EDDM13: variants seen among roughly 807,000 people sequenced by gnomAD.
EDDM13 encodes the protein epididymal protein 13.
Under a neutral mutation model 17.8 loss-of-function variants are expected in EDDM13, and 24 were observed. The ratio of observed to expected loss-of-function variants is 1.35; its 90% CI spans 0.98 to 1.90. The LOEUF is 1.90. Among genes scored for constraint, EDDM13 ranks in the 40% most tolerant of loss-of-function variants. The pLI is 0.00. For missense variants in EDDM13, 97 were observed against 100.8 expected (o/e 0.96, Z 0.16); for synonymous variants, 31 against 37.5 (o/e 0.83, Z 0.63).
At chr19:56,276,632 G>C (rs2147011676) in intron 2 of EDDM13, among the ~76,000 whole-genome samples, 1 of 151,964 alleles carries the variant, frequency 6.6e-6, no homozygotes, top group African/African-American at 2.4e-5. Flanking sequence ...TGCCTCCTGG[G>C]TTCAAGCGAT....
At chr19:56,300,900 G>C (rs2040181788) in intron 12 of EDDM13, among the ~76,000 whole-genome samples, 3 of 152,164 alleles carry the variant, frequency 2.0e-5, no homozygotes, top group Admixed American at 1.3e-4. Flanking sequence ...CACCTCATGA[G>C]GTTTGACATA....
At position 56,304,791 on chromosome 19, in the gene EDDM13, A is replaced by C. The variant is rs117459439; in HGVS notation, c.424-2A>C. 633 of 985,346 alleles carry C rather than the reference A, an allele frequency of 6.4e-4. 3 individuals are homozygous for C. In the East Asian group the frequency reaches 0.031, roughly 48 times the overall value. 61.0% of individuals were successfully genotyped at this position (985,346 alleles called of 1,614,324 possible). On this transcript the variant is annotated splice_acceptor_variant, in intron 13 of 14. Transcript: ENST00000649256. LOFTEE classifies it high-confidence loss of function. ...GTTCCCAGTTCACTTTTTCCTCCCAAGTGTTACTGCCACTACTGTAACTTG... is the reference window on the plus strand; with the variant it reads ...GTTCCCAGTTCACTTTTTCCTCCCACGTGTTACTGCCACTACTGTAACTTG...
At chr19:56,302,608 TCTCCCTCTTCCTCC>T (rs1393987659) in intron 13 of EDDM13, among the ~76,000 whole-genome samples, 59 of 62,146 alleles carry the variant, frequency 9.5e-4, no homozygotes, top group East Asian at 3.6e-3. Context: ...CTCTTCTTCC[TCTCCCTCTTCCTCC>T]CTCCCTCCTC....
At chr19:56,282,116 G>A (rs928234629) in intron 3 of EDDM13, among the ~76,000 whole-genome samples, 25 of 152,174 alleles carry the variant, frequency 1.6e-4, no homozygotes, top group African/African-American at 5.8e-4. Context: ...ATGGTACAGG[G>A]TGGGTAAGAC....
chr19:56,305,600 G>T lies in EDDM13; in HGVS notation c.461+770G>T, dbSNP rs1220054042. Among the ~76,000 whole-genome samples, 5 of 152,166 alleles carry T rather than the reference G, an allele frequency of 3.3e-5. No individual in the cohort carries two copies. In the East Asian group the frequency reaches 7.7e-4, roughly 23 times the overall value. ...TGGGGTACAAACTAGGAGTGGAATT[G>T]CTAGGTCATATGATAATTCTGTGTT... On this transcript the variant is annotated intron_variant, in intron 14 of 14. Coordinates refer to ENST00000649256, the MANE Select transcript of EDDM13 (RefSeq NM_001354658.2).
chr19:56,304,177 C>T (rs1049230511), intron 13 of EDDM13, among the ~76,000 whole-genome samples: 1 of 152,154 alleles, frequency 6.6e-6, no homozygotes, highest in Admixed American at 6.5e-5. Flanking sequence ...AGAGGAGGCC[C>T]GACCAGCCAG....
chr19:56,278,257 C>G (rs949833417), intron 2 of EDDM13, among the ~76,000 whole-genome samples: 5 of 152,098 alleles, frequency 3.3e-5, no homozygotes, highest in Non-Finnish European at 7.3e-5. Flanking sequence ...AAGTAGCCTC[C>G]CAAGTAGCTG....
chr19:56,284,067 C>A (rs1354336722), intron 4 of EDDM13, 131 bp from the exon 5 acceptor site: 2 of 497,208 alleles, frequency 4.0e-6, no homozygotes, highest in African/African-American at 2.1e-5. Context: ...CTGTTCCCAG[C>A]CCCCAGCATC....
chr19:56,292,850 GCA>G (rs2039609874), intron 9 of EDDM13, among the ~76,000 whole-genome samples: 1 of 152,184 alleles, frequency 6.6e-6, no homozygotes, highest in South Asian at 2.1e-4. Flanking sequence ...TCATCACTCA[GCA>G]CAGTGTCCTC....
intron 1 of EDDM13, among the ~76,000 whole-genome samples, chr19:56,273,649 C>T (rs914274478): frequency 3.3e-5 from 5 of 152,108 alleles, no homozygotes; most frequent in Non-Finnish European, 7.3e-5. Context: ...GCAGAAGGCA[C>T]TGAGTCCCTC....
intron 6 of EDDM13, chr19:56,286,672 T>C (rs1389467844): frequency 6.6e-6 from 1 of 152,226 alleles, no homozygotes; most frequent in African/African-American, 2.4e-5. Context: ...GCAAGTGTTA[T>C]GAGTTAAAGA....
At chr19:56,279,967 T>A (rs2147049422) in intron 2 of EDDM13, among the ~76,000 whole-genome samples, 1 of 152,302 alleles carries the variant, frequency 6.6e-6, no homozygotes, top group African/African-American at 2.4e-5. Flanking sequence ...TATTTTCATT[T>A]AAAATAAGAT....
chr19:56,286,432 C>G (rs2039130074), intron 6 of EDDM13: 1 of 152,094 alleles, frequency 6.6e-6, no homozygotes, highest in Non-Finnish European at 1.5e-5. Flanking sequence ...ACCGCCAGAA[C>G]CCCCACACCT....
chr19:56,275,987 A>G (rs1462529720), intron 1 of EDDM13, among the ~76,000 whole-genome samples, 105 bp from the exon 2 acceptor site: 1 of 152,150 alleles, frequency 6.6e-6, no homozygotes, highest in African/African-American at 2.4e-5. Context: ...GGACACTTCT[A>G]TCTCTGGTCT....
intron 8 of EDDM13, among the ~76,000 whole-genome samples, chr19:56,290,464 C>T (rs1384980358): frequency 6.6e-6 from 1 of 152,188 alleles, no homozygotes; most frequent in East Asian, 1.9e-4. Flanking sequence ...CAGTGCTTCT[C>T]AGGGTCTTTG....
At chr19:56,301,640 T>C (rs1355117209) in intron 12 of EDDM13, among the ~76,000 whole-genome samples, 1 of 152,210 alleles carries the variant, frequency 6.6e-6, no homozygotes, top group Non-Finnish European at 1.5e-5. Context: ...AGCCTCATTT[T>C]ACCCAGCCCC....
chr19:56,300,181 G>A (rs2040135790), intron 12 of EDDM13, among the ~76,000 whole-genome samples: 1 of 152,050 alleles, frequency 6.6e-6, no homozygotes, highest in African/African-American at 2.4e-5. Context: ...TTATTAATGG[G>A]TAAGCATTAA....
chr19:56,304,874 G>C (rs1363436114), intron 14 of EDDM13, 44 bp downstream of exon 14: 2 of 877,208 alleles, frequency 2.3e-6, no homozygotes, highest in Non-Finnish European at 2.7e-6. Flanking sequence ...CGCTGGGGTG[G>C]GGTTAGGGGA....
chr19:56,284,086 T>G, intron 4 of EDDM13, 112 bp from the exon 5 acceptor site: 7 of 802,208 alleles, frequency 8.7e-6, no homozygotes, highest in African/African-American at 1.8e-5. Context: ...TCTGACCTCG[T>G]TTTTGGTTTT....
Sources: allele counts gnomAD v4.1 joint callset (sites outside exome capture counted in the v4.1 genomes callset), GRCh38; gene constraint gnomAD v4.1.1; transcripts MANE v1.5; gene names NCBI Gene and HGNC (gene_info 2026-07-23, HGNC 2026-07-21).